ATP9B: variants seen among roughly 807,000 people sequenced by gnomAD.
ATP9B encodes ATPase phospholipid transporting 9B, also known as probable phospholipid-transporting ATPase IIB.
In ATP9B, 110 loss-of-function variants were observed where a neutral mutation model predicts 146.1. The observed-to-expected ratio is 0.75, with a 90% CI of 0.65 to 0.88. The LOEUF (loss-of-function observed/expected upper bound fraction) is 0.88. Among genes scored for constraint, ATP9B ranks in the 40% least tolerant of loss-of-function variants. The pLI is 0.00. For missense variants in ATP9B, 1,499 were observed against 1,496.4 expected (o/e 1.00, Z -0.03); for synonymous variants, 604 against 569.7 (o/e 1.06, Z -0.86).
intron 17 of ATP9B, 52 bp downstream of exon 17, chr18:79,330,156 A>G: frequency 6.6e-7 from 1 of 1,510,346 alleles, no homozygotes; most frequent in Non-Finnish European, 9.2e-7. Context: ...AAGAGGAGGT[A>G]TGTGAGTGAC....
rs747568216 is a variant in ATP9B, at chr18:79,307,084, C to T, written c.1623C>T (p.Ile541=). ...PKVRKSVSSR[I]HEAVKAIVLC... ...TTAGGAAAAGTGTCAGTAGTCGAAT[C>T]CATGAAGCCGTGAAAGCCATCGTGC... Residue 541 remains isoleucine (I), a synonymous_variant, in exon 15 of 30, where the codon ATC becomes ATT. Transcript: ENST00000426216. 1.9e-6 allele frequency: 3 copies of T among 1,614,202 alleles called. No homozygotes were observed. Among genetic ancestry groups the T allele is most frequent in the Non-Finnish European group, 2.5e-6 (3 of 1,180,040 alleles).
intron 15 of ATP9B, among the ~76,000 whole-genome samples, chr18:79,327,646 C>CGTGCTCTCCGTGGTT (rs1242877078): frequency 1.0e-4 from 13 of 124,298 alleles, no homozygotes; most frequent in East Asian, 2.6e-4. Context: ...CCCTGGTTAG[C>CGTGCTCTCCGTGGTT]ATGCTCTCCG....
chr18:79,235,132 C>T (rs1391735206), intron 11 of ATP9B, among the ~76,000 whole-genome samples: 5 of 152,188 alleles, frequency 3.3e-5, no homozygotes, highest in Admixed American at 1.3e-4. Context: ...CTCAGCTTCC[C>T]AAAGTGCTGG....
At chr18:79,200,457 C>G (rs1450658289) in intron 9 of ATP9B, among the ~76,000 whole-genome samples, 1 of 152,134 alleles carries the variant, frequency 6.6e-6, no homozygotes. Context: ...GAACACTATT[C>G]ATGAAGTTGA....
At chr18:79,329,110 G>C (rs139431999) in intron 15 of ATP9B, 31 bp from the exon 16 acceptor site, 10 of 1,503,604 alleles carry the variant, frequency 6.7e-6, no homozygotes, top group Non-Finnish European at 8.9e-7. Flanking sequence ...CTGAGGCAGC[G>C]GTGGCCTCAG....
chr18:79,306,075 A>G (rs1169735427), intron 14 of ATP9B, among the ~76,000 whole-genome samples: 1 of 152,250 alleles, frequency 6.6e-6, no homozygotes, highest in African/African-American at 2.4e-5. Flanking sequence ...GAAAGGCAGC[A>G]CCAGCTGAGC....
rs758180960 is a variant in ATP9B, at chr18:79,330,057, G to A, written c.1981G>A (p.Val661Met). Residue 661 changes from valine to methionine, a missense_variant, in exon 17 of 30, where the codon GTG (valine) becomes ATG (methionine). Val to Met is a conservative substitution (Grantham distance 21). Coordinates refer to ENST00000426216, the MANE Select transcript of ATP9B (RefSeq NM_198531.5). ...CACATTCTACATGAAGGGCGCTGAC[G>A]TGGCCATGTCTCCTATCGTGCAGTA... ...EITFYMKGAD[V>M]AMSPIVQYND... The A allele has an allele frequency of 1.3e-5, 21 of 1,614,066 alleles. No homozygotes were observed. The highest frequency in any genetic ancestry group is 4.0e-5 in the African/African-American group (3 of 74,932).
At chr18:79,337,910 A>G (rs1470105378) in intron 19 of ATP9B, among the ~76,000 whole-genome samples, 1 of 152,130 alleles carries the variant, frequency 6.6e-6, no homozygotes, top group Non-Finnish European at 1.5e-5. Flanking sequence ...AGGCTGGGCC[A>G]CTGTGTTCTC....
chr18:79,139,082 A>C (rs542336227), intron 5 of ATP9B, among the ~76,000 whole-genome samples: 1 of 152,184 alleles, frequency 6.6e-6, no homozygotes, highest in South Asian at 2.1e-4. Flanking sequence ...TTAATTATCT[A>C]TCACTCATAC....
Position 79,201,527 on chromosome 18 carries a change from G to A in ATP9B, c.955-5410G>A, listed in dbSNP as rs527902228. Among the ~76,000 whole-genome samples the A allele has an allele frequency of 9.2e-5, 14 of 152,246 alleles. No individual in the cohort carries two copies. In the East Asian group the frequency reaches 2.7e-3, roughly 29 times the overall value. ...TTTGGGAGGCTGAGGTGGGAGTTGA[G>A]CCCAGGAGTTCGAGACCAGCCTGGG... is the stretch of plus-strand genomic sequence containing the variant. On this transcript the variant is annotated intron_variant, in intron 9 of 29. Coordinates refer to ENST00000426216, the MANE Select transcript of ATP9B (RefSeq NM_198531.5).
intron 11 of ATP9B, among the ~76,000 whole-genome samples, chr18:79,250,952 C>G (rs2096016950): frequency 6.6e-6 from 1 of 152,180 alleles, no homozygotes; most frequent in Non-Finnish European, 1.5e-5. Context: ...GGGCAGTGTG[C>G]TTTCTTGGGA....
chr18:79,114,045 A>G (rs1162181859), intron 4 of ATP9B, among the ~76,000 whole-genome samples: 2 of 152,128 alleles, frequency 1.3e-5, no homozygotes, highest in Non-Finnish European at 2.9e-5. Context: ...ATCTCGGCCC[A>G]CTGCAACCTC....
At chr18:79,343,013 C>CA (rs1220593900) in intron 20 of ATP9B, among the ~76,000 whole-genome samples, 1 of 152,114 alleles carries the variant, frequency 6.6e-6, no homozygotes, top group African/African-American at 2.4e-5. Flanking sequence ...TTAATTCAAA[C>CA]AAAAAATAAG....
At chr18:79,361,600 CT>C (rs1288497577) in intron 26 of ATP9B, 16 of 197,762 alleles carry the variant, frequency 8.1e-5, no homozygotes, top group Admixed American at 1.3e-4. Context: ...TGCATTGTAA[CT>C]TTTTTTTAAA....
rs114092764 is a variant in ATP9B, at chr18:79,361,899, A to G, written c.3012+2437A>G. The G allele has an allele frequency of 4.5e-3, 2,836 of 626,638 alleles. 75 individuals are homozygous for G. The African/African-American group carries it at 0.053, about 12-fold the overall frequency. 38.8% of individuals were successfully genotyped at this position (626,638 alleles called of 1,614,324 possible). A position where few individuals can be genotyped will look rare whatever the true frequency, so the allele number is the denominator to read the frequency against. ...AAGCTCCTGCGATGTAGGACAACAT[A>G]GCCCTGCTCTCAACAAGTCTGTATT... is the stretch of plus-strand genomic sequence containing the variant. On this transcript the variant is annotated intron_variant, in intron 26 of 29. Coordinates refer to ENST00000426216, the MANE Select transcript of ATP9B (RefSeq NM_198531.5).
intron 13 of ATP9B, 90 bp downstream of exon 13, chr18:79,277,286 T>G: frequency 6.9e-7 from 1 of 1,458,556 alleles, no homozygotes. Flanking sequence ...TTTATGTGTA[T>G]GTATATATGT....
chr18:79,256,286 T>TATATACACACACACAC (rs398033647), intron 12 of ATP9B, among the ~76,000 whole-genome samples: 10 of 123,072 alleles, frequency 8.1e-5, no homozygotes, highest in Non-Finnish European at 1.5e-4. Context: ...TATATATATA[T>TATATACACACACACAC]ACATACATAG....
chr18:79,151,747 A>C (rs550267789), intron 6 of ATP9B, among the ~76,000 whole-genome samples: 2 of 150,898 alleles, frequency 1.3e-5, no homozygotes, highest in Non-Finnish European at 3.0e-5. Flanking sequence ...TTTTTTATGA[A>C]GTTCTGGGAT....
intron 8 of ATP9B, among the ~76,000 whole-genome samples, chr18:79,192,377 G>A (rs2095375208): frequency 6.6e-6 from 1 of 152,104 alleles, no homozygotes; most frequent in Non-Finnish European, 1.5e-5. Context: ...GAAATTAGAT[G>A]GTTTATTAGG....
Sources: allele counts gnomAD v4.1 joint callset (sites outside exome capture counted in the v4.1 genomes callset), GRCh38; gene constraint gnomAD v4.1.1; transcripts MANE v1.5; gene names NCBI Gene and HGNC (gene_info 2026-07-23, HGNC 2026-07-21).